CAMSAP1: variants seen among roughly 807,000 people sequenced by gnomAD.
CAMSAP1 encodes the protein calmodulin-regulated spectrin-associated protein 1.
Under a neutral mutation model 143.5 loss-of-function variants are expected in CAMSAP1, and 58 were observed. That is an observed-to-expected ratio of 0.40 (90% CI 0.33 to 0.50). CAMSAP1 has a LOEUF of 0.50. Ranked by LOEUF, CAMSAP1 falls within the 20% of genes least tolerant of loss-of-function variation. The pLI is 0.45. For missense variants in CAMSAP1, 1,969 were observed against 2,115.7 expected (o/e 0.93, Z 1.36); for synonymous variants, 945 against 859.3 (o/e 1.10, Z -1.74).
At chr9:135,815,349 G>A (rs1835192391) in intron 15 of CAMSAP1, 134 bp from the exon 16 acceptor site, 10 of 497,210 alleles carry the variant, frequency 2.0e-5, no homozygotes, top group Non-Finnish European at 3.5e-5. Context: ...TTTAAAAATG[G>A]GAAGTAAAAA....
rs552015441 is a variant in CAMSAP1, at chr9:135,820,637, T to C, written c.3822+202A>G. On this transcript the variant is annotated intron_variant, in intron 11 of 16. Coordinates refer to ENST00000389532, the MANE Select transcript of CAMSAP1 (RefSeq NM_015447.4). The surrounding 1 kb of genome is among the most constrained non-coding windows in gnomAD (Gnocchi z 4.4). ...CTCAGCCACACCACGCTCACTTGCA[T>C]GCGTATTGCCCGGGACTGCTTCTGG... Among the ~76,000 whole-genome samples, 5 of 152,082 alleles carry C rather than the reference T, an allele frequency of 3.3e-5. No homozygotes were observed. Among genetic ancestry groups the C allele is most frequent in the Non-Finnish European group, 5.9e-5 (4 of 68,020 alleles).
At chr9:135,817,121 G>A (rs1416743960) in intron 14 of CAMSAP1, among the ~76,000 whole-genome samples, 1 of 152,154 alleles carries the variant, frequency 6.6e-6, no homozygotes, top group Non-Finnish European at 1.5e-5. Context: ...AAAGGCTAAG[G>A]AACTGCTCTG....
In CAMSAP1 at chr9:135,822,228, G is replaced by A. The variant is rs34440913; in HGVS notation, c.2433C>T (p.Ser811=). Reference sequence around the variant, plus strand: ...TCTCCGCAAAGCTGGTCATCTTCACGCTCCCACTCGCCATGGAGACACTGC... The same window carrying A: ...TCTCCGCAAAGCTGGTCATCTTCACACTCCCACTCGCCATGGAGACACTGC... ...QMSSVSMASG[S]VKMTSFAERK... Residue 811 remains serine (S), a synonymous_variant, in exon 11 of 17, where the codon AGC becomes AGT. Coordinates refer to ENST00000389532, the MANE Select transcript of CAMSAP1 (RefSeq NM_015447.4). The surrounding 1 kb of genome is among the most constrained non-coding windows in gnomAD (Gnocchi z 6.1). 1.4e-3 allele frequency: 2,326 copies of A among 1,613,930 alleles called. 27 individuals are homozygous for A. In the African/African-American group the frequency reaches 0.026, roughly 18 times the overall value.
At chr9:135,861,216 A>AAGGGGCCCC (rs1433905703) in intron 5 of CAMSAP1, among the ~76,000 whole-genome samples, 1 of 152,076 alleles carries the variant, frequency 6.6e-6, no homozygotes, top group African/African-American at 2.4e-5. Context: ...ACTCAGGCCC[A>AAGGGGCCCC]AGGGGCCCCA....
At position 135,883,056 on chromosome 9, in the gene CAMSAP1, T is replaced by G. The variant is rs1244738404; in HGVS notation, c.183A>C (p.Arg61Ser). The change falls in exon 2 of 17, where the codon AGA (arginine) becomes AGC (serine). Residue 61 changes from arginine (R) to serine (S), a missense_variant. Physicochemically the swap from Arg to Ser is moderately radical, Grantham distance 110 (BLOSUM62 -1). Transcript: ENST00000389532. ...YGRDNIPEDLRDPFYVDQYEQ... is the reference protein window; with the variant it reads ...YGRDNIPEDLSDPFYVDQYEQ... ...CATACTGGTCAACGTAGAAAGGGTC[T>G]CTGAGGTCCTCAGGGATGTTATCTA... is the stretch of plus-strand genomic sequence containing the variant. 1 of 1,551,662 alleles carries G rather than the reference T, an allele frequency of 6.4e-7. No homozygotes were observed. The highest frequency in any genetic ancestry group is 2.4e-5 in the East Asian group (1 of 40,912).
In CAMSAP1 at chr9:135,821,836, T is replaced by A; in HGVS notation, c.2825A>T (p.His942Leu). 6.2e-7 allele frequency: 1 copy of A among 1,614,066 alleles called. No individual in the cohort carries two copies. Among genetic ancestry groups the A allele is most frequent in the Non-Finnish European group, 8.5e-7 (1 of 1,179,898 alleles). Residue 942 changes from histidine (H) to leucine (L), a missense_variant, in exon 11 of 17, where the codon CAC (histidine) becomes CTC (leucine). This residue lies in a region of CAMSAP1 where 1,390 missense variants were observed against 1,420.8 expected (regional missense o/e 0.98). Transcript: ENST00000389532. The surrounding 1 kb of genome is among the most constrained non-coding windows in gnomAD (Gnocchi z 4.6). ...AGCGTCCCCACAGTCCTCCCCGTTG[T>A]GCTGAGAGTACTCCTTTGCAAAGTG... ...PEHFAKEYSQ[H>L]NGEDCGDAVS...
In CAMSAP1 at chr9:135,837,541, A is replaced by G. The variant is rs372142264; in HGVS notation, c.1046-9957T>C. ...CACACATCATCACGCACTTTCTACC[A>G]GTTCTACAGACACACATCATCACGC... On this transcript the variant is annotated intron_variant, in intron 7 of 16. Coordinates refer to ENST00000389532, the MANE Select transcript of CAMSAP1 (RefSeq NM_015447.4). 4.4e-3 allele frequency among the ~76,000 whole-genome samples: 519 copies of G among 117,850 alleles called. 2 individuals carry two copies. The highest frequency in any genetic ancestry group is 0.014 in the Middle Eastern group (2 of 140). The allele number at this position is 117,850 out of a possible 152,430, so 77.3% of individuals were successfully genotyped here.
intron 2 of CAMSAP1, 122 bp from the exon 3 acceptor site, chr9:135,881,916 T>C (rs1837969234): frequency 4.2e-6 from 5 of 1,196,178 alleles, no homozygotes; most frequent in Non-Finnish European, 5.8e-6. Flanking sequence ...CCTTTCCGTC[T>C]GAAGAGATAC....
rs1379728415 is a variant in CAMSAP1 at position 135,809,856 on chromosome 9, T to TAG, written c.*1452_*1453insCT. 1.3e-5 allele frequency: 2 copies of TAG among 152,604 alleles called. No homozygotes were observed. The highest frequency in any genetic ancestry group is 2.4e-5 in the African/African-American group (1 of 41,466). The allele number at this position is 152,604 out of a possible 1,614,324, so 9.5% of individuals were successfully genotyped here. ...GGACTGAGGAAAGGGGAATAAGACC[T>TAG]ATAATTCCTTCTAGCCTTCTGTACC... On this transcript the variant is annotated 3_prime_UTR_variant, in exon 17 of 17. Coordinates refer to ENST00000389532, the MANE Select transcript of CAMSAP1 (RefSeq NM_015447.4).
intron 1 of CAMSAP1, among the ~76,000 whole-genome samples, chr9:135,894,078 T>C (rs560056960): frequency 7.2e-5 from 11 of 152,250 alleles, no homozygotes; most frequent in African/African-American, 2.4e-4. Context: ...GGTACACTTA[T>C]TCTGCCCTGG....
chr9:135,907,534 C>T lies in CAMSAP1; in HGVS notation c.-375G>A, dbSNP rs954907245. Among the ~76,000 whole-genome samples, 2 of 149,518 alleles carry T rather than the reference C, an allele frequency of 1.3e-5. No individual in the cohort carries two copies. Among genetic ancestry groups the T allele is most frequent in the African/African-American group, 4.9e-5 (2 of 41,076 alleles). On this transcript the variant is annotated 5_prime_UTR_variant, in exon 1 of 17. Transcript: ENST00000389532. ...AGCGGCTGAGGCGGTGGCCAAGGAG[C>T]GGGAGCGCGCTCACCGCCGGGGCCT...
At position 135,865,819 on chromosome 9, in the gene CAMSAP1, A is replaced by AG. The variant is rs143420085; in HGVS notation, c.666+636dup. Among the ~76,000 whole-genome samples the AG allele has an allele frequency of 1.6e-3, 247 of 152,262 alleles. No individual in the cohort carries two copies. The Middle Eastern group carries it at 0.017, about 10-fold the overall frequency. On this transcript the variant is annotated intron_variant, in intron 4 of 16. Coordinates refer to ENST00000389532, the MANE Select transcript of CAMSAP1 (RefSeq NM_015447.4). ...CATGGCCAGGGGCTGGTGCCACTGG[A>AG]GGGGGAAGAAGGAACAGGGGAAGGC...
intron 14 of CAMSAP1, 136 bp from the exon 15 acceptor site, chr9:135,816,141 C>T (rs1355922789): frequency 4.3e-6 from 3 of 701,650 alleles, no homozygotes; most frequent in Non-Finnish European, 2.4e-6. Flanking sequence ...GGTGGGGGCT[C>T]GAGTTGCCAC....
intron 7 of CAMSAP1, chr9:135,849,868 TC>T (rs1836710842): frequency 3.3e-6 from 1 of 304,992 alleles, no homozygotes; most frequent in Non-Finnish European, 6.1e-6. Flanking sequence ...TTTTTTTTTT[TC>T]AGTTTGTTCA....
intron 7 of CAMSAP1, among the ~76,000 whole-genome samples, chr9:135,849,327 T>A (rs1836687326): frequency 6.6e-6 from 1 of 152,218 alleles, no homozygotes. Flanking sequence ...GGAAACACGG[T>A]TTCCACTGAA....
intron 7 of CAMSAP1, among the ~76,000 whole-genome samples, chr9:135,835,283 C>T (rs964118975): frequency 2.6e-5 from 4 of 152,104 alleles, no homozygotes; most frequent in Non-Finnish European, 4.4e-5. Context: ...GCCGGTCAGA[C>T]GGGTACCCAC....
At chr9:135,901,509 G>A (rs1360608150) in intron 1 of CAMSAP1, among the ~76,000 whole-genome samples, 1 of 152,164 alleles carries the variant, frequency 6.6e-6, no homozygotes, top group Non-Finnish European at 1.5e-5. Context: ...AGCAACTCGG[G>A]AGGCTGAGGT....
chr9:135,859,393 TTTTGTTTG>T (rs565354422), intron 5 of CAMSAP1, among the ~76,000 whole-genome samples: 1 of 152,280 alleles, frequency 6.6e-6, no homozygotes, highest in African/African-American at 2.4e-5. Context: ...AACTCTGCCA[TTTTGTTTG>T]TTTGTTTGTT....
At chr9:135,863,321 A>G (rs1025897435) in intron 4 of CAMSAP1, among the ~76,000 whole-genome samples, 2 of 152,220 alleles carry the variant, frequency 1.3e-5, no homozygotes, top group Non-Finnish European at 2.9e-5. Context: ...GTCAGCGAAC[A>G]AGAGCACAGA....
Sources: gnomAD v4.1 joint callset for allele counts (sites outside exome capture counted in the v4.1 genomes callset) on GRCh38, gnomAD v4.1.1 for gene constraint, gnomAD v4.1.1 regional missense constraint, Gnocchi (gnomAD v3.1) non-coding constraint, MANE v1.5 for transcripts, NCBI Gene and HGNC (gene_info 2026-07-23, HGNC 2026-07-21) for gene names.